The following ZNF140 variants were observed in gnomAD, a reference collection of about 807,000 sequenced individuals.
The protein encoded by ZNF140 is zinc finger protein 140.
ZNF140 carries 13 observed loss-of-function variants against 12.9 expected under a neutral mutation model. The observed-to-expected ratio is 1.01, with a 90% CI of 0.66 to 1.60. ZNF140 has a LOEUF of 1.60. ZNF140 is among the 40% of genes most tolerant of loss of function. ZNF140 has a pLI of 0.00. For synonymous variants in ZNF140, 214 were observed against 186.7 expected (o/e 1.15, Z -1.19); for missense variants, 531 against 548.8 (o/e 0.97, Z 0.32).
intron 4 of ZNF140, among the ~76,000 whole-genome samples, chr12:133,086,012 C>G (rs1489694081): frequency 5.3e-5 from 8 of 152,318 alleles, no homozygotes; most frequent in African/African-American, 1.9e-4. Context: ...CAGCAAGACC[C>G]TATTTTTTTA....
At chr12:133,090,857 T>C (rs587890) in intron 4 of ZNF140, among the ~76,000 whole-genome samples, 117,377 of 122,362 alleles carry the variant, frequency 0.96, 56,533 homozygotes, top group East Asian at 1. Flanking sequence ...TAGATGTGCA[T>C]GTAATCCAGA....
chr12:133,082,556 A>G (rs1435573251), intron 2 of ZNF140: 2 of 153,782 alleles, frequency 1.3e-5, no homozygotes, highest in Non-Finnish European at 2.9e-5. Context: ...CGGAATCAAG[A>G]TTCTTTATTG....
At chr12:133,090,814 A>G (rs368222260) in intron 4 of ZNF140, among the ~76,000 whole-genome samples, 45,742 of 107,488 alleles carry the variant, frequency 0.43, 10,296 homozygotes, top group African/African-American at 0.6. Context: ...AAGAATCTAT[A>G]TCATAATTAG....
chr12:133,089,819 T>C (rs1954796182), intron 4 of ZNF140, among the ~76,000 whole-genome samples: 1 of 152,026 alleles, frequency 6.6e-6, no homozygotes, highest in East Asian at 1.9e-4. Flanking sequence ...TTTTCTCTAT[T>C]AATAGCCTAT....
chr12:133,096,640 A>T (rs1955140516), intron 4 of ZNF140, among the ~76,000 whole-genome samples: 1 of 152,142 alleles, frequency 6.6e-6, no homozygotes, highest in African/African-American at 2.4e-5. Context: ...TGTTACTTAG[A>T]AGTGTGTTGT....
intron 2 of ZNF140, chr12:133,082,891 C>A: frequency 1.8e-6 from 1 of 564,708 alleles, no homozygotes; most frequent in Non-Finnish European, 3.0e-6. Context: ...TATCTCAGGA[C>A]AGATAATTTA....
chr12:133,082,990 T>C (rs915337417), intron 2 of ZNF140, 113 bp from the exon 3 acceptor site: 10 of 1,504,464 alleles, frequency 6.6e-6, no homozygotes, highest in Middle Eastern at 3.6e-4. Flanking sequence ...AAACTCTCAC[T>C]GTTACTACTT....
At chr12:133,090,628 T>C (rs1351482486) in intron 4 of ZNF140, among the ~76,000 whole-genome samples, 2 of 142,536 alleles carry the variant, frequency 1.4e-5, no homozygotes, top group Admixed American at 7.3e-5. Flanking sequence ...AGACAAAGTA[T>C]AGAGAAACAA....
chr12:133,081,366 T>TATAC, intron 2 of ZNF140, 37 bp downstream of exon 2: 1 of 267,572 alleles, frequency 3.7e-6, no homozygotes, highest in Non-Finnish European at 6.3e-6. Context: ...TATATATATA[T>TATAC]ATATAAATTT....
At position 133,106,404 on chromosome 12, in the gene ZNF140, C is replaced by T. The variant is rs750446685; in HGVS notation, c.1127C>T (p.Thr376Met). 87 of 1,613,818 alleles carry T rather than the reference C, an allele frequency of 5.4e-5. No homozygotes were observed. Among genetic ancestry groups the T allele is most frequent in the Middle Eastern group, 1.6e-4 (1 of 6,082 alleles). Reference protein sequence around the residue: ...FTWHASLIQHTKSHTGEKPYA... With the variant: ...FTWHASLIQHMKSHTGEKPYA... Reference sequence around the variant, plus strand: ...TGGCATGCATCCCTTATTCAACATACGAAGAGTCACACTGGAGAGAAACCC... The same window carrying T: ...TGGCATGCATCCCTTATTCAACATATGAAGAGTCACACTGGAGAGAAACCC... The change falls in exon 5 of 5, where the codon ACG becomes ATG. Residue 376 changes from threonine (T) to methionine (M), a missense_variant. Thr to Met is a moderately conservative substitution (Grantham distance 81, BLOSUM62 -1). Transcript: ENST00000355557.
chr12:133,100,923 G>T (rs1379272375), intron 4 of ZNF140: 1 of 447,616 alleles, frequency 2.2e-6, no homozygotes. Context: ...TCAGAATGGT[G>T]TACAGTTTAA....
chr12:133,082,154 A>G (rs1479400466), intron 2 of ZNF140: 1 of 152,222 alleles, frequency 6.6e-6, no homozygotes, highest in African/African-American at 2.4e-5. Context: ...AGGGTCAACT[A>G]TTCAAAATGA....
rs1397287014 is a variant in ZNF140 at position 133,083,678 on chromosome 12, C to T, written c.232+117C>T. ...TTTTCCCTTAAAGATACTAGAGATA[C>T]GCTAGGCACGGTGGCTCATGCCGGT... On this transcript the variant is annotated intron_variant, in intron 4 of 4. Coordinates refer to ENST00000355557, the MANE Select transcript of ZNF140 (RefSeq NM_003440.4). 21 of 949,430 alleles carry T rather than the reference C, an allele frequency of 2.2e-5. No individual in the cohort carries two copies. The Admixed American group carries it at 2.6e-4, about 12-fold the overall frequency. 58.8% of individuals were successfully genotyped at this position (949,430 alleles called of 1,614,324 possible).
chr12:133,094,985 C>T (rs1955017363), intron 4 of ZNF140, among the ~76,000 whole-genome samples: 1 of 151,334 alleles, frequency 6.6e-6, no homozygotes, highest in East Asian at 1.9e-4. Flanking sequence ...AACTCTGTTT[C>T]TGCCTCTTCA....
At chr12:133,083,631 T>C in intron 4 of ZNF140, 70 bp downstream of exon 4, 1 of 1,428,228 alleles carries the variant, frequency 7.0e-7, no homozygotes, top group African/African-American at 1.4e-5. Context: ...AAGGAATACT[T>C]TTTAATATGT....
At position 133,104,413 on chromosome 12, in the gene ZNF140, G is replaced by A. The variant is rs1159622721; in HGVS notation, c.233-1097G>A. Among the ~76,000 whole-genome samples the A allele has an allele frequency of 4.0e-5, 6 of 150,592 alleles. No individual in the cohort carries two copies. In the East Asian group the frequency reaches 1.2e-3, roughly 30 times the overall value. On this transcript the variant is annotated intron_variant, in intron 4 of 4. Transcript: ENST00000355557. ...GTCACCCAGGTTGGAGTGCAGTGGC[G>A]CAATCTCGGTTCACCGCAACCTCTG... is the stretch of plus-strand genomic sequence containing the variant.
chr12:133,081,270 C>G lies in ZNF140; in HGVS notation c.-48-3C>G. 6.5e-7 allele frequency: 1 copy of G among 1,531,662 alleles called. No individual in the cohort carries two copies. Among genetic ancestry groups the G allele is most frequent in the East Asian group, 2.5e-5 (1 of 40,568 alleles). 94.9% of individuals were successfully genotyped at this position (1,531,662 alleles called of 1,614,324 possible). ...GCTCAGGGCTCCTTTCTCTCTCTGC[C>G]AGGTCTGCCATTTTACACTTTTCTG... On this transcript the variant is annotated splice_polypyrimidine_tract_variant and splice_region_variant and intron_variant, in intron 1 of 4. Coordinates refer to ENST00000355557, the MANE Select transcript of ZNF140 (RefSeq NM_003440.4).
chr12:133,099,940 T>C (rs1490276589), intron 4 of ZNF140, among the ~76,000 whole-genome samples: 2 of 151,920 alleles, frequency 1.3e-5, no homozygotes, highest in Non-Finnish European at 2.9e-5. Context: ...AGAGTTTTTT[T>C]TTTTTCTCTC....
chr12:133,091,088 C>G (rs796105541), intron 4 of ZNF140, among the ~76,000 whole-genome samples: 2 of 138,692 alleles, frequency 1.4e-5, no homozygotes, highest in South Asian at 2.6e-4. Context: ...CTCTTTTACT[C>G]ATCCATCTCA....
Sources: gnomAD v4.1 joint callset for allele counts (sites outside exome capture counted in the v4.1 genomes callset) on GRCh38, gnomAD v4.1.1 for gene constraint, MANE v1.5 for transcripts, NCBI Gene and HGNC (gene_info 2026-07-23, HGNC 2026-07-21) for gene names.